The following ATP13A3 variants were observed in gnomAD, a reference collection of about 807,000 sequenced individuals.
ATP13A3 encodes the protein ATPase 13A3.
A neutral mutation model predicts 158.1 loss-of-function variants in ATP13A3; 59 were observed. The ratio of observed to expected loss-of-function variants is 0.37; its 90% CI spans 0.30 to 0.46. The LOEUF is 0.46. Ranked by LOEUF, ATP13A3 falls within the 20% of genes least tolerant of loss-of-function variation. The pLI, the probability that ATP13A3 is intolerant of heterozygous loss-of-function variation, is 1.00. For synonymous variants in ATP13A3, 491 were observed against 504.3 expected (o/e 0.97, Z 0.35); for missense variants, 1,166 against 1,525.2 (o/e 0.76, Z 3.92).
At chr3:194,468,899 C>G (rs1351188903) in intron 2 of ATP13A3, among the ~76,000 whole-genome samples, 1 of 152,054 alleles carries the variant, frequency 6.6e-6, no homozygotes, top group African/African-American at 2.4e-5. Flanking sequence ...CATTATTCAC[C>G]GAGGCGGGTG....
chr3:194,445,467 G>GTC (rs1345555360), intron 14 of ATP13A3, among the ~76,000 whole-genome samples: 3 of 152,168 alleles, frequency 2.0e-5, no homozygotes, highest in African/African-American at 7.2e-5. Flanking sequence ...GTGAAATAAT[G>GTC]TCTGATGCTG....
At chr3:194,453,902 G>T in intron 9 of ATP13A3, 124 bp from the exon 10 acceptor site, 1 of 730,904 alleles carries the variant, frequency 1.4e-6, no homozygotes, top group Non-Finnish European at 2.3e-6. Context: ...ATAAAATGTC[G>T]AGTCAGAAAT....
At chr3:194,484,848 T>C (rs1194466037) in intron 2 of ATP13A3, among the ~76,000 whole-genome samples, 1 of 152,020 alleles carries the variant, frequency 6.6e-6, no homozygotes, top group Non-Finnish European at 1.5e-5. Context: ...CTGAAGTCAG[T>C]AGTTCACGAC....
intron 30 of ATP13A3, among the ~76,000 whole-genome samples, chr3:194,421,814 A>G (rs1481564116): frequency 6.6e-6 from 1 of 152,050 alleles, no homozygotes; most frequent in Non-Finnish European, 1.5e-5. Flanking sequence ...TGGCAGAGAG[A>G]AACACGGAGA....
intron 10 of ATP13A3, 127 bp from the exon 11 acceptor site, chr3:194,450,403 C>T: frequency 1.2e-6 from 1 of 868,766 alleles, no homozygotes; most frequent in Non-Finnish European, 1.7e-6. Flanking sequence ...TAGAAAAATC[C>T]AACAAATGGC....
chr3:194,471,348 G>T (rs199588967), intron 2 of ATP13A3, among the ~76,000 whole-genome samples: 4 of 107,386 alleles, frequency 3.7e-5, no homozygotes, highest in African/African-American at 3.6e-5. Flanking sequence ...AAAAAAAAAA[G>T]AAAAGAAAAG....
intron 2 of ATP13A3, among the ~76,000 whole-genome samples, chr3:194,492,458 TA>T (rs1411456281): frequency 6.0e-5 from 9 of 150,158 alleles, no homozygotes; most frequent in Non-Finnish European, 1.3e-4. Context: ...TCCTCCTGTG[TA>T]CTTTTTTTTT....
chr3:194,415,910 G>C (rs546915705), intron 31 of ATP13A3, among the ~76,000 whole-genome samples: 2 of 152,206 alleles, frequency 1.3e-5, no homozygotes, highest in Non-Finnish European at 2.9e-5. Context: ...GTAAGTTTAA[G>C]TTATATAACT....
intron 2 of ATP13A3, among the ~76,000 whole-genome samples, chr3:194,472,266 T>C (rs1006027879): frequency 1.4e-5 from 2 of 143,236 alleles, no homozygotes; most frequent in Admixed American, 6.6e-5. Flanking sequence ...TGTTGCACAG[T>C]AGCCAAAAAA....
intron 33 of ATP13A3, among the ~76,000 whole-genome samples, chr3:194,410,113 C>G (rs1203914896): frequency 6.6e-6 from 1 of 151,568 alleles, no homozygotes; most frequent in Non-Finnish European, 1.5e-5. Context: ...GGACCACTCT[C>G]TACCTTCACT....
chr3:194,422,664 C>T (rs779775709), intron 30 of ATP13A3, among the ~76,000 whole-genome samples: 2 of 151,934 alleles, frequency 1.3e-5, no homozygotes, highest in Non-Finnish European at 2.9e-5. Context: ...TACCAGATGC[C>T]ACCGATGGAC....
At chr3:194,442,324 G>T (rs374062374) in intron 15 of ATP13A3, among the ~76,000 whole-genome samples, 18 of 152,280 alleles carry the variant, frequency 1.2e-4, no homozygotes, top group African/African-American at 4.1e-4. Context: ...TTGGCCAGGG[G>T]CAGTGGCTGA....
intron 15 of ATP13A3, among the ~76,000 whole-genome samples, chr3:194,442,357 G>A (rs1718108247): frequency 6.6e-6 from 1 of 152,162 alleles, no homozygotes; most frequent in Non-Finnish European, 1.5e-5. Context: ...CGGCATTTTG[G>A]GAGGCTGAGG....
At chr3:194,436,892 C>T (rs1560088021) in intron 20 of ATP13A3, among the ~76,000 whole-genome samples, 1 of 152,090 alleles carries the variant, frequency 6.6e-6, no homozygotes, top group African/African-American at 2.4e-5. Flanking sequence ...CGGGGTGAGA[C>T]TGTCTCTCAA....
intron 2 of ATP13A3, among the ~76,000 whole-genome samples, chr3:194,465,287 T>C (rs887549725): frequency 2.0e-5 from 3 of 152,140 alleles, no homozygotes; most frequent in Non-Finnish European, 2.9e-5. Context: ...ACTGGAAGTC[T>C]GGGGAAGCAC....
chr3:194,477,948 G>A (rs1336696520), intron 2 of ATP13A3, among the ~76,000 whole-genome samples: 1 of 152,146 alleles, frequency 6.6e-6, no homozygotes, highest in East Asian at 1.9e-4. Flanking sequence ...TAATTCTTCA[G>A]CAGACAGAAA....
chr3:194,460,546 T>C, intron 4 of ATP13A3, 112 bp downstream of exon 4: 1 of 1,098,422 alleles, frequency 9.1e-7, no homozygotes, highest in Non-Finnish European at 1.3e-6. Context: ...TTAGCATTCC[T>C]CATTTTATCC....
intron 28 of ATP13A3, among the ~76,000 whole-genome samples, chr3:194,428,408 C>G (rs1716974401): frequency 6.6e-6 from 1 of 152,042 alleles, no homozygotes; most frequent in Non-Finnish European, 1.5e-5. Flanking sequence ...CTGGCAATGT[C>G]TGGAGATATT....
intron 22 of ATP13A3, 130 bp from the exon 23 acceptor site, chr3:194,431,356 C>T (rs1184810459): frequency 1.8e-6 from 2 of 1,132,706 alleles, no homozygotes; most frequent in Admixed American, 5.5e-5. Context: ...GAAAGCCGGA[C>T]ATTTATTCAA....
Sources: gnomAD v4.1 joint callset for allele counts (sites outside exome capture counted in the v4.1 genomes callset) on GRCh38, gnomAD v4.1.1 for gene constraint, MANE v1.5 for transcripts, NCBI Gene and HGNC (gene_info 2026-07-23, HGNC 2026-07-21) for gene names.